MAP3K4: variants seen among roughly 807,000 people sequenced by gnomAD.
MAP3K4 encodes the protein mitogen-activated protein kinase kinase kinase 4, also known as MAP three kinase 1.
A neutral mutation model predicts 185.6 loss-of-function variants in MAP3K4; 67 were observed. That is an observed-to-expected ratio of 0.36 (90% CI 0.30 to 0.44). MAP3K4 has a LOEUF of 0.44. Ranked by LOEUF, MAP3K4 falls within the 20% of genes least tolerant of loss-of-function variation. The probability of loss-of-function intolerance (pLI) is 1.00; values close to 1 mark genes in which losing one functional copy is unlikely to be tolerated. For synonymous variants in MAP3K4, 702 were observed against 710.4 expected, an observed-to-expected ratio of 0.99 and a Z score of 0.19; for missense variants, 1,551 against 1,995.1, an observed-to-expected ratio of 0.78 and a Z score of 4.24.
At chr6:161,089,517 G>GA (rs1562532191) in intron 11 of MAP3K4, 46 bp downstream of exon 11, 2 of 1,602,592 alleles carry the variant, frequency 1.2e-6, no homozygotes, top group Non-Finnish European at 1.7e-6. Flanking sequence ...CCTTTTTGAT[G>GA]AAAGTCAGTG....
intron 3 of MAP3K4, among the ~76,000 whole-genome samples, chr6:161,057,799 GA>G (rs1256127710): frequency 6.6e-6 from 1 of 152,172 alleles, no homozygotes; most frequent in Admixed American, 6.5e-5. Flanking sequence ...CTTTGTAATT[GA>G]ATGACACACT....
In MAP3K4 at chr6:161,000,840, T is replaced by G. The variant is rs193083458; in HGVS notation, c.152+8757T>G. On this transcript the variant is annotated intron_variant, in intron 1 of 26. Transcript: ENST00000392142. ...ACACATGTGTATGCACACATACACA[T>G]GTGTACGCACATATACACATGTGTA... Among the ~76,000 whole-genome samples the G allele has an allele frequency of 1.5e-3, 223 of 144,446 alleles. 3 individuals are homozygous for G. The highest frequency in any genetic ancestry group is 6.0e-3 in the African/African-American group (213 of 35,212). 94.8% of individuals were successfully genotyped at this position (144,446 alleles called of 152,430 possible).
At chr6:161,113,379 G>A (rs182336665) in intron 25 of MAP3K4, among the ~76,000 whole-genome samples, 3 of 152,330 alleles carry the variant, frequency 2.0e-5, no homozygotes, top group South Asian at 2.1e-4. Context: ...GGGGAACAGA[G>A]AGACGAGTAA....
chr6:160,994,783 C>A (rs1310202066), intron 1 of MAP3K4, among the ~76,000 whole-genome samples: 1 of 152,166 alleles, frequency 6.6e-6, no homozygotes, highest in Non-Finnish European at 1.5e-5. Flanking sequence ...TCGCTGCAAC[C>A]TCTGCCTCCC....
Position 161,031,855 on chromosome 6 carries a change from A to G in MAP3K4, c.153-2404A>G, listed in dbSNP as rs776138332. On this transcript the variant is annotated intron_variant, in intron 1 of 26. Coordinates refer to ENST00000392142, the MANE Select transcript of MAP3K4 (RefSeq NM_005922.4). Reference sequence around the variant, plus strand: ...GATGCTTCACCCACCAGGACGGCTGAGACATGGCCTTAGCTTCTGAGTTCA... The same window carrying G: ...GATGCTTCACCCACCAGGACGGCTGGGACATGGCCTTAGCTTCTGAGTTCA... 9.1e-4 allele frequency among the ~76,000 whole-genome samples: 139 copies of G among 152,226 alleles called. 1 individual carries two copies. The highest frequency in any genetic ancestry group is 2.4e-4 in the Non-Finnish European group (16 of 68,044).
At position 161,043,067 on chromosome 6, in the gene MAP3K4, A is replaced by G. The variant is rs1783563201; in HGVS notation, c.344-5549A>G. 6.6e-6 allele frequency among the ~76,000 whole-genome samples: 1 copy of G among 152,214 alleles called. No individual in the cohort carries two copies. The highest frequency in any genetic ancestry group is 2.1e-4 in the South Asian group (1 of 4,824). Reference sequence around the variant, plus strand: ...TTAGAATGTTTGCTTTTTAAAGAATATCATACTGATGTAAAATGGAGCTGG... The same window carrying G: ...TTAGAATGTTTGCTTTTTAAAGAATGTCATACTGATGTAAAATGGAGCTGG... On this transcript the variant is annotated intron_variant, in intron 2 of 26. Coordinates refer to ENST00000392142, the MANE Select transcript of MAP3K4 (RefSeq NM_005922.4). The surrounding 1 kb of genome is among the most constrained non-coding windows in gnomAD (Gnocchi z 4.3).
chr6:161,070,920 T>C lies in MAP3K4; in HGVS notation c.1950+70T>C. 2 of 1,371,238 alleles carry C rather than the reference T, an allele frequency of 1.5e-6. No individual in the cohort carries two copies. The highest frequency in any genetic ancestry group is 1.9e-6 in the Non-Finnish European group (2 of 1,035,452). The allele number at this position is 1,371,238 out of a possible 1,614,324, so 84.9% of individuals were successfully genotyped here. A position where few individuals can be genotyped will look rare whatever the true frequency, so the allele number is the denominator to read the frequency against. On this transcript the variant is annotated intron_variant, in intron 4 of 26. Transcript: ENST00000392142. The surrounding 1 kb of genome is among the most constrained non-coding windows in gnomAD (Gnocchi z 4.5). ...ATCCTACAGGCTTATCATTTTTATT[T>C]TGAGAGTTCCTTTTTTTTTCTTAAT...
Position 161,098,852 on chromosome 6 carries a change from C to G in MAP3K4, c.3674+425C>G, listed in dbSNP as rs1777703911. ...GGAAGATCAGTTTTCTAGCCAAATA[C>G]TCTATTTTAAATAATTGTTGATTAG... is the stretch of plus-strand genomic sequence containing the variant. On this transcript the variant is annotated intron_variant, in intron 17 of 26. Transcript: ENST00000392142. The surrounding 1 kb of genome is among the most constrained non-coding windows in gnomAD (Gnocchi z 4.4). Among the ~76,000 whole-genome samples the G allele has an allele frequency of 6.6e-6, 1 of 152,072 alleles. No homozygotes were observed. The highest frequency in any genetic ancestry group is 2.4e-5 in the African/African-American group (1 of 41,380).
intron 5 of MAP3K4, among the ~76,000 whole-genome samples, chr6:161,078,964 A>T (rs973469730): frequency 3.3e-5 from 5 of 152,212 alleles, no homozygotes; most frequent in African/African-American, 1.2e-4. Flanking sequence ...CTGTAATCCC[A>T]ACACTTTGGG....
intron 2 of MAP3K4, among the ~76,000 whole-genome samples, chr6:161,044,519 C>T (rs1350000780): frequency 6.6e-6 from 1 of 152,112 alleles, no homozygotes; most frequent in African/African-American, 2.4e-5. Context: ...CTATAGACTA[C>T]CCCCGCACCC....
Position 161,073,172 on chromosome 6 carries a change from G to A in MAP3K4, c.1951-294G>A, listed in dbSNP as rs1785024912. On this transcript the variant is annotated intron_variant, in intron 4 of 26. Coordinates refer to ENST00000392142, the MANE Select transcript of MAP3K4 (RefSeq NM_005922.4). The surrounding 1 kb of genome is among the most constrained non-coding windows in gnomAD (Gnocchi z 4.2). ...TCTATGGGATTTACTTTCTATATAA[G>A]TTTGTTGTTAAGAGAATTTATTTTA... 6.6e-6 allele frequency among the ~76,000 whole-genome samples: 1 copy of A among 152,088 alleles called. No individual in the cohort carries two copies. Among genetic ancestry groups the A allele is most frequent in the African/African-American group, 2.4e-5 (1 of 41,416 alleles).
chr6:161,044,943 A>G (rs899496225), intron 2 of MAP3K4, among the ~76,000 whole-genome samples: 2 of 152,098 alleles, frequency 1.3e-5, no homozygotes, highest in East Asian at 3.9e-4. Flanking sequence ...TGACCCAGAC[A>G]TCTCTCATCA....
chr6:161,065,396 G>A (rs1784661070), intron 3 of MAP3K4, among the ~76,000 whole-genome samples: 1 of 152,192 alleles, frequency 6.6e-6, no homozygotes, highest in African/African-American at 2.4e-5. Flanking sequence ...TAACAGATAT[G>A]TGTTCCTGCA....
chr6:161,111,421 G>A (rs1329761451), intron 23 of MAP3K4, among the ~76,000 whole-genome samples: 2 of 152,252 alleles, frequency 1.3e-5, no homozygotes, highest in Non-Finnish European at 2.9e-5. Context: ...CTGGGACTCT[G>A]AAGAACTGCA....
At chr6:161,000,954 A>G (rs1781258944) in intron 1 of MAP3K4, among the ~76,000 whole-genome samples, 2 of 146,124 alleles carry the variant, frequency 1.4e-5, no homozygotes, top group South Asian at 4.2e-4. Context: ...CATAGTGCAT[A>G]TTATATATAA....
chr6:161,112,612 A>T lies in MAP3K4; in HGVS notation c.4520-56A>T. ...ATTAATTTATTGCTTGGCTCTATTAATACATGTTGATGTGTTTATAACCCA... is the reference window on the plus strand; with the variant it reads ...ATTAATTTATTGCTTGGCTCTATTATTACATGTTGATGTGTTTATAACCCA... On this transcript the variant is annotated intron_variant, in intron 24 of 26. Transcript: ENST00000392142. This position sits in a 1 kb window ranked among gnomAD's most constrained non-coding sequence, Gnocchi z 5.1. The T allele has an allele frequency of 4.8e-6, 5 of 1,043,560 alleles. No homozygotes were observed. Among genetic ancestry groups the T allele is most frequent in the Non-Finnish European group, 6.6e-6 (5 of 752,472 alleles). 64.6% of individuals were successfully genotyped at this position (1,043,560 alleles called of 1,614,324 possible).
chr6:161,113,242 G>A (rs765012135), intron 25 of MAP3K4, among the ~76,000 whole-genome samples: 18 of 152,178 alleles, frequency 1.2e-4, no homozygotes, highest in Non-Finnish European at 2.5e-4. Context: ...AACCTTCAAT[G>A]CATGTGGCTA....
At chr6:161,012,434 A>G (rs1416213766) in intron 1 of MAP3K4, among the ~76,000 whole-genome samples, 1 of 152,180 alleles carries the variant, frequency 6.6e-6, no homozygotes, top group Non-Finnish European at 1.5e-5. Context: ...CAGAGAATTT[A>G]TAAGCTAGTT....
intron 1 of MAP3K4, among the ~76,000 whole-genome samples, chr6:161,015,240 C>T (rs1782035237): frequency 1.3e-5 from 2 of 151,032 alleles, no homozygotes; most frequent in South Asian, 4.2e-4. Flanking sequence ...ACCACATTTT[C>T]AATGAGAGCT....
Sources: gnomAD v4.1 joint callset for allele counts (sites outside exome capture counted in the v4.1 genomes callset) on GRCh38, gnomAD v4.1.1 for gene constraint, Gnocchi (gnomAD v3.1) non-coding constraint, MANE v1.5 for transcripts, NCBI Gene and HGNC (gene_info 2026-07-23, HGNC 2026-07-21) for gene names.